The following IPMK variants were observed in gnomAD, a reference collection of about 807,000 sequenced individuals.
The protein encoded by IPMK is inositol polyphosphate multikinase, also known as inositol 1,3,4,6-tetrakisphosphate 5-kinase.
In IPMK, 17 loss-of-function variants were observed where a neutral mutation model predicts 45.8. The ratio of observed to expected loss-of-function variants is 0.37; its 90% confidence interval spans 0.25 to 0.56. The LOEUF is 0.56. IPMK is among the 20% of genes least tolerant of loss of function. The pLI, the probability that IPMK is intolerant of heterozygous loss-of-function variation, is 0.79. For missense variants in IPMK, 399 were observed against 498.0 expected, an observed-to-expected ratio of 0.80 and a Z score of 1.89; for synonymous variants, 180 against 184.3, an observed-to-expected ratio of 0.98 and a Z score of 0.19.
rs1327796780 is a variant in IPMK at position 58,196,471 on chromosome 10, T to G, written c.856A>C (p.Thr286Pro). The G allele has an allele frequency of 6.2e-7, 1 of 1,614,172 alleles. No homozygotes were observed. Among genetic ancestry groups the G allele is most frequent in the South Asian group, 1.1e-5 (1 of 91,076 alleles). ...TTATTATTGTACTCTAGTACTTCTG[T>G]GTCTGACAGTTGTCCTTTGGACAAA... ...KFLSKGQLSDTEVLEYNNNFH... is the reference protein window; with the variant it reads ...KFLSKGQLSDPEVLEYNNNFH... The change falls in exon 6 of 6, where the codon ACA becomes CCA. Residue 286 changes from threonine to proline, a missense_variant. Physicochemically the swap from Thr to Pro is conservative, Grantham distance 38 (BLOSUM62 -1). Coordinates refer to ENST00000373935, the MANE Select transcript of IPMK (RefSeq NM_152230.5).
At position 58,219,710 on chromosome 10, in the gene IPMK, A is replaced by G. The variant is rs551735712; in HGVS notation, c.374-3393T>C. ...AATTCAACTTAATAGGTTGTAACTAAGTTTCCTAAATGAAAGAGAAAAGAG... is the reference window on the plus strand; with the variant it reads ...AATTCAACTTAATAGGTTGTAACTAGGTTTCCTAAATGAAAGAGAAAAGAG... On this transcript the variant is annotated intron_variant, in intron 3 of 5. Coordinates refer to ENST00000373935, the MANE Select transcript of IPMK (RefSeq NM_152230.5). Among the ~76,000 whole-genome samples the G allele has an allele frequency of 1.5e-4, 23 of 152,352 alleles. No homozygotes were observed. The South Asian group carries it at 4.8e-3, about 32-fold the overall frequency.
At chr10:58,232,274 C>T (rs865872262) in intron 2 of IPMK, among the ~76,000 whole-genome samples, 35 of 152,220 alleles carry the variant, frequency 2.3e-4, no homozygotes, top group African/African-American at 8.4e-4. Flanking sequence ...GACATATCAA[C>T]GAGACAGAAG....
At chr10:58,210,545 C>A (rs776899966) in intron 4 of IPMK, among the ~76,000 whole-genome samples, 8 of 152,184 alleles carry the variant, frequency 5.3e-5, no homozygotes, top group Non-Finnish European at 1.0e-4. Flanking sequence ...TCCCTAATTC[C>A]GCTGGCTGCC....
intron 1 of IPMK, among the ~76,000 whole-genome samples, chr10:58,243,373 C>T (rs1295612362): frequency 6.6e-6 from 1 of 152,162 alleles, no homozygotes; most frequent in Non-Finnish European, 1.5e-5. Flanking sequence ...AGGAAAATCC[C>T]TCTCCCTCTC....
At chr10:58,253,189 G>A (rs1049620180) in intron 1 of IPMK, among the ~76,000 whole-genome samples, 3 of 152,120 alleles carry the variant, frequency 2.0e-5, no homozygotes, top group Non-Finnish European at 4.4e-5. Flanking sequence ...CTTGCCTGCC[G>A]CTATGTAAAA....
At chr10:58,218,910 C>G (rs1221526140) in intron 3 of IPMK, among the ~76,000 whole-genome samples, 1 of 152,178 alleles carries the variant, frequency 6.6e-6, no homozygotes, top group Non-Finnish European at 1.5e-5. Context: ...AATGTTTGCC[C>G]TTCCCATTCC....
intron 1 of IPMK, among the ~76,000 whole-genome samples, chr10:58,263,738 G>A (rs1839108754): frequency 6.6e-6 from 1 of 152,156 alleles, no homozygotes; most frequent in African/African-American, 2.4e-5. Context: ...ACTTGAATCA[G>A]ACAACCAGAA....
chr10:58,226,503 T>C (rs559020118), intron 3 of IPMK, among the ~76,000 whole-genome samples: 162 of 152,328 alleles, frequency 1.1e-3, no homozygotes, highest in Non-Finnish European at 1.5e-3. Context: ...AATTAAATTG[T>C]ATGTGTTTTG....
intron 5 of IPMK, among the ~76,000 whole-genome samples, chr10:58,197,382 G>T (rs891508595): frequency 7.8e-6 from 1 of 128,862 alleles, no homozygotes; most frequent in African/African-American, 3.5e-5. Flanking sequence ...CGGGTGCGGT[G>T]GCTCACGCCT....
chr10:58,242,697 G>T lies in IPMK; in HGVS notation c.191-4883C>A, dbSNP rs12268026. On this transcript the variant is annotated intron_variant, in intron 1 of 5. Coordinates refer to ENST00000373935, the MANE Select transcript of IPMK (RefSeq NM_152230.5). ...AGGGAGAAAAAATAAAAAGGAAGGA[G>T]AAATCAGAAGAAAGCATCCCAGATC... is the stretch of plus-strand genomic sequence containing the variant. Among the ~76,000 whole-genome samples, 580 of 152,112 alleles carry T rather than the reference G, an allele frequency of 3.8e-3. 1 individual carries two copies. The highest frequency in any genetic ancestry group is 0.013 in the African/African-American group (538 of 41,470).
chr10:58,253,600 T>C (rs906037805), intron 1 of IPMK, among the ~76,000 whole-genome samples: 5 of 151,888 alleles, frequency 3.3e-5, no homozygotes, highest in African/African-American at 1.2e-4. Flanking sequence ...TAGCTGGGCA[T>C]GGTGGCATGC....
rs192619662 is a variant in IPMK, at chr10:58,262,208, C to T, written c.190+5214G>A. On this transcript the variant is annotated intron_variant, in intron 1 of 5. Coordinates refer to ENST00000373935, the MANE Select transcript of IPMK (RefSeq NM_152230.5). ...TGTATACATATGTAACAAACCTGCA[C>T]GTTGTGCACATGTACCCCAGAACTT... Among the ~76,000 whole-genome samples, 41 of 152,116 alleles carry T rather than the reference C, an allele frequency of 2.7e-4. No individual in the cohort carries two copies. In the East Asian group the frequency reaches 5.8e-3, roughly 22 times the overall value.
chr10:58,245,192 C>A (rs1838778549), intron 1 of IPMK, among the ~76,000 whole-genome samples: 1 of 150,240 alleles, frequency 6.7e-6, no homozygotes, highest in African/African-American at 2.5e-5. Flanking sequence ...AAGATAAATA[C>A]TACATGATTA....
intron 2 of IPMK, among the ~76,000 whole-genome samples, chr10:58,235,633 A>G (rs1014602361): frequency 1.3e-5 from 2 of 152,156 alleles, no homozygotes; most frequent in Non-Finnish European, 2.9e-5. Flanking sequence ...ACTTGGACAC[A>G]GGGGAACATC....
intron 4 of IPMK, among the ~76,000 whole-genome samples, chr10:58,215,828 A>T (rs1838236410): frequency 6.6e-6 from 1 of 152,160 alleles, no homozygotes; most frequent in Admixed American, 6.5e-5. Flanking sequence ...TTTACATTTA[A>T]TATTTGCTTG....
rs150092014 is a variant in IPMK, at chr10:58,196,249, A to G, written c.1078T>C (p.Ser360Pro). The change falls in exon 6 of 6, where the codon TCC becomes CCC. Residue 360 changes from serine to proline, a missense_variant. Ser to Pro is a moderately conservative substitution (Grantham distance 74, BLOSUM62 -1). Around this residue, in one of 2 missense-constraint regions of IPMK, gnomAD observed 288 missense variants for 398.0 expected, o/e 0.72. Coordinates refer to ENST00000373935, the MANE Select transcript of IPMK (RefSeq NM_152230.5). ...SQEHLNGNVL[S>P]QLEKVFYHLP... ...TGGTAGAAAACTTTTTCCAGTTGGGAAAGTACATTTCCATTTAAATGTTCC... is the reference window on the plus strand; with the variant it reads ...TGGTAGAAAACTTTTTCCAGTTGGGGAAGTACATTTCCATTTAAATGTTCC... 4.3e-5 allele frequency: 69 copies of G among 1,614,068 alleles called. No individual in the cohort carries two copies. Among genetic ancestry groups the G allele is most frequent in the Non-Finnish European group, 5.5e-5 (65 of 1,180,016 alleles).
chr10:58,218,826 T>C (rs1283180940), intron 3 of IPMK, among the ~76,000 whole-genome samples: 1 of 152,230 alleles, frequency 6.6e-6, no homozygotes, highest in Non-Finnish European at 1.5e-5. Context: ...TCTCTTACTT[T>C]TTCTTTTTGA....
At chr10:58,229,646 T>A in intron 2 of IPMK, among the ~76,000 whole-genome samples, 1 of 147,138 alleles carries the variant, frequency 6.8e-6, no homozygotes, top group African/African-American at 2.5e-5. Flanking sequence ...CTTTAAGAAA[T>A]CAAATCACTG....
intron 4 of IPMK, chr10:58,212,535 A>G: frequency 4.8e-6 from 1 of 207,088 alleles, no homozygotes; most frequent in East Asian, 1.2e-4. Flanking sequence ...CGAATTTGTT[A>G]ACCCTTTTCC....
Sources: gnomAD v4.1 joint callset for allele counts (sites outside exome capture counted in the v4.1 genomes callset) on GRCh38, gnomAD v4.1.1 for gene constraint, gnomAD v4.1.1 regional missense constraint, MANE v1.5 for transcripts, NCBI Gene and HGNC (gene_info 2026-07-23, HGNC 2026-07-21) for gene names.